IQCJ: variants seen among roughly 807,000 people sequenced by gnomAD.
IQCJ encodes IQ domain-containing protein J.
In IQCJ, 9 loss-of-function variants were observed where a neutral mutation model predicts 11.0. The observed-to-expected ratio is 0.82, with a 90% CI of 0.49 to 1.43. The LOEUF is 1.43. Among genes scored for constraint, IQCJ ranks in the 40% most tolerant of loss-of-function variants. IQCJ has a pLI of 0.00. For missense variants in IQCJ, 146 were observed against 133.2 expected, an observed-to-expected ratio of 1.10 and a Z score of -0.47; for synonymous variants, 55 against 51.3, an observed-to-expected ratio of 1.07 and a Z score of -0.31.
intron 1 of IQCJ, 34 bp downstream of exon 1, chr3:159,069,475 G>A (rs1423765673): frequency 6.2e-7 from 1 of 1,602,448 alleles, no homozygotes; most frequent in Non-Finnish European, 8.5e-7. Context: ...GTGCCACTTT[G>A]ATGTGCATTA....
At chr3:159,153,400 CTATGAATG>C (rs937632463) in intron 1 of IQCJ, among the ~76,000 whole-genome samples, 2 of 152,176 alleles carry the variant, frequency 1.3e-5, no homozygotes, top group African/African-American at 4.8e-5. Flanking sequence ...GTTATTGCAT[CTATGAATG>C]TCTTCTACAA....
intron 1 of IQCJ, among the ~76,000 whole-genome samples, chr3:159,198,792 A>G (rs6793688): frequency 0.029 from 4,404 of 152,296 alleles, 205 homozygotes; most frequent in African/African-American, 0.1. Flanking sequence ...TGGGGGCTTC[A>G]CTGGGCTTTA....
At chr3:159,205,939 C>T (rs568643165) in intron 1 of IQCJ, among the ~76,000 whole-genome samples, 1 of 152,208 alleles carries the variant, frequency 6.6e-6, no homozygotes, top group African/African-American at 2.4e-5. Flanking sequence ...CTGGACACCA[C>T]CTTTCACTTG....
At chr3:159,147,281 G>A (rs1257128646) in intron 1 of IQCJ, among the ~76,000 whole-genome samples, 1 of 152,172 alleles carries the variant, frequency 6.6e-6, no homozygotes, top group African/African-American at 2.4e-5. Context: ...ATTAAAATAC[G>A]CATTCAGGCA....
At chr3:159,175,657 T>C (rs574643721) in intron 1 of IQCJ, among the ~76,000 whole-genome samples, 1 of 152,278 alleles carries the variant, frequency 6.6e-6, no homozygotes, top group East Asian at 1.9e-4. Flanking sequence ...TTCAGGTTGT[T>C]TCGTATATCA....
At chr3:159,125,468 C>T (rs1382775699) in intron 1 of IQCJ, among the ~76,000 whole-genome samples, 3 of 152,156 alleles carry the variant, frequency 2.0e-5, no homozygotes, top group Non-Finnish European at 4.4e-5. Flanking sequence ...ACGAATGTCT[C>T]AATATTGGTT....
chr3:159,223,190 C>T (rs1725647945), intron 1 of IQCJ, among the ~76,000 whole-genome samples: 1 of 152,030 alleles, frequency 6.6e-6, no homozygotes, highest in Non-Finnish European at 1.5e-5. Flanking sequence ...GACTAAGCTT[C>T]AGACAACCAA....
chr3:159,237,763 C>G (rs73166217), intron 1 of IQCJ, among the ~76,000 whole-genome samples: 2,001 of 152,246 alleles, frequency 0.013, 12 homozygotes, highest in Non-Finnish European at 0.022. Flanking sequence ...CTAACCGAAC[C>G]AGGTTCAGGT....
At chr3:159,245,084 A>T (rs1292427123) in intron 1 of IQCJ, among the ~76,000 whole-genome samples, 1 of 152,106 alleles carries the variant, frequency 6.6e-6, no homozygotes, top group African/African-American at 2.4e-5. Flanking sequence ...GATTACAGAG[A>T]CTACAAATGC....
At chr3:159,162,733 A>G (rs955938392) in intron 1 of IQCJ, among the ~76,000 whole-genome samples, 12 of 152,212 alleles carry the variant, frequency 7.9e-5, no homozygotes, top group African/African-American at 2.9e-4. Context: ...AAAAATGATA[A>G]AGGGGATATC....
intron 1 of IQCJ, among the ~76,000 whole-genome samples, chr3:159,090,861 G>C (rs1289717834): frequency 1.3e-5 from 2 of 151,824 alleles, no homozygotes; most frequent in African/African-American, 4.9e-5. Flanking sequence ...CAGTTGTCTG[G>C]TTTCATGTGG....
In IQCJ at chr3:159,183,845, C is replaced by T. The variant is rs375943336; in HGVS notation, c.10-61998C>T. Among the ~76,000 whole-genome samples, 77 of 152,194 alleles carry T rather than the reference C, an allele frequency of 5.1e-4. No individual in the cohort carries two copies. The East Asian group carries it at 9.1e-3, about 18-fold the overall frequency. ...CCACTGTCTCCATATCCACTATCCCCTGCCATTAGCTCTCCTTCCAAAATG... is the reference window on the plus strand; with the variant it reads ...CCACTGTCTCCATATCCACTATCCCTTGCCATTAGCTCTCCTTCCAAAATG... On this transcript the variant is annotated intron_variant, in intron 1 of 3. Transcript: ENST00000397832.
chr3:159,069,583 A>T (rs1715400366), intron 1 of IQCJ, 142 bp downstream of exon 1: 2 of 1,223,690 alleles, frequency 1.6e-6, no homozygotes, highest in Non-Finnish European at 2.2e-6. Flanking sequence ...GGGCTTAATT[A>T]TTGGTCTAGG....
chr3:159,167,695 C>A (rs1486311544), intron 1 of IQCJ, among the ~76,000 whole-genome samples: 1 of 152,160 alleles, frequency 6.6e-6, no homozygotes, highest in Non-Finnish European at 1.5e-5. Flanking sequence ...TACCAGGTTA[C>A]CAGCCCTGGT....
intron 1 of IQCJ, among the ~76,000 whole-genome samples, chr3:159,222,672 G>C (rs538289949): frequency 1.3e-5 from 2 of 152,210 alleles, no homozygotes; most frequent in South Asian, 4.1e-4. Flanking sequence ...TGCTAAGAGA[G>C]TAGGTTTTAG....
At chr3:159,264,666 C>A (rs551862760), downstream of IQCJ, among the ~76,000 whole-genome samples, 1 of 152,114 alleles carries the variant, frequency 6.6e-6, no homozygotes, top group African/African-American at 2.4e-5. Context: ...AATCCCAGCA[C>A]TTTGGGAGGC....
intron 3 of IQCJ, among the ~76,000 whole-genome samples, chr3:159,253,023 C>T (rs368882190): frequency 6.5e-4 from 99 of 152,266 alleles, no homozygotes; most frequent in African/African-American, 2.1e-3. Flanking sequence ...CCATTATTTT[C>T]ACCACTTTTT....
chr3:159,141,812 A>G (rs1720620971), intron 1 of IQCJ, among the ~76,000 whole-genome samples: 1 of 152,214 alleles, frequency 6.6e-6, no homozygotes, highest in African/African-American at 2.4e-5. Flanking sequence ...ATTTTGAGAC[A>G]TCCCATACAC....
chr3:159,140,176 T>C (rs1159909063), intron 1 of IQCJ, among the ~76,000 whole-genome samples: 1 of 152,148 alleles, frequency 6.6e-6, no homozygotes, highest in Non-Finnish European at 1.5e-5. Flanking sequence ...GTCCATAGTT[T>C]ACATTAGGGT....
Sources: allele counts gnomAD v4.1 joint callset (sites outside exome capture counted in the v4.1 genomes callset), GRCh38; gene constraint gnomAD v4.1.1; transcripts MANE v1.5; gene names NCBI Gene and HGNC (gene_info 2026-07-23, HGNC 2026-07-21).